C6orf58: variants seen among roughly 807,000 people sequenced by gnomAD.
The protein encoded by C6orf58 is chromosome 6 open reading frame 58.
Under a neutral mutation model 37.0 loss-of-function variants are expected in C6orf58, and 30 were observed. The ratio of observed to expected loss-of-function variants is 0.81; its 90% CI spans 0.61 to 1.10. The LOEUF (loss-of-function observed/expected upper bound fraction) is 1.10, where lower values mean the gene tolerates loss of function less well. Among genes scored for constraint, C6orf58 ranks in the 50% least tolerant of loss-of-function variants. C6orf58 has a pLI of 0.00. For missense variants in C6orf58, 368 were observed against 387.5 expected (o/e 0.95, Z 0.42); for synonymous variants, 143 against 134.1 (o/e 1.07, Z -0.46).
At chr6:127,580,498 T>C (rs1394886161) in intron 3 of C6orf58, 49 bp downstream of exon 3, 18 of 1,457,614 alleles carry the variant, frequency 1.2e-5, no homozygotes, top group Non-Finnish European at 1.6e-5. Flanking sequence ...TATTTTGTCA[T>C]ATAATTTCGT....
intron 4 of C6orf58, among the ~76,000 whole-genome samples, chr6:127,587,545 G>T (rs1775119569): frequency 6.6e-6 from 1 of 152,100 alleles, no homozygotes; most frequent in African/African-American, 2.4e-5. Flanking sequence ...ACCTGTTTAT[G>T]AGGTCTCTGC....
In C6orf58 at chr6:127,590,332, A is replaced by C. The variant is rs1487642589; in HGVS notation, c.913+7A>C. ...AATGTGGATAAATCTATAGGTAAGA[A>C]CCTTAAAAGGATACTTTTAAAAATC... On this transcript the variant is annotated splice_region_variant and intron_variant, in intron 5 of 5. Transcript: ENST00000329722. The C allele has an allele frequency of 3.3e-6, 5 of 1,517,452 alleles. No individual in the cohort carries two copies. In the East Asian group the frequency reaches 1.1e-4, roughly 34 times the overall value. The allele number at this position is 1,517,452 out of a possible 1,614,324, so 94.0% of individuals were successfully genotyped here. A position where few individuals can be genotyped will look rare whatever the true frequency, so the allele number is the denominator to read the frequency against.
chr6:127,586,269 C>T (rs2114297777), intron 4 of C6orf58, among the ~76,000 whole-genome samples: 1 of 152,118 alleles, frequency 6.6e-6, no homozygotes, highest in Non-Finnish European at 1.5e-5. Flanking sequence ...GGCACACTGA[C>T]AGGAAAAGTC....
At chr6:127,580,056 T>G (rs1333445410) in intron 2 of C6orf58, among the ~76,000 whole-genome samples, 1 of 152,112 alleles carries the variant, frequency 6.6e-6, no homozygotes, top group Non-Finnish European at 1.5e-5. Context: ...ATGTTATATA[T>G]TTATGACTAT....
intron 4 of C6orf58, among the ~76,000 whole-genome samples, chr6:127,588,354 A>G (rs1288729201): frequency 6.6e-6 from 1 of 152,236 alleles, no homozygotes; most frequent in Non-Finnish European, 1.5e-5. Context: ...TGGTAATGAA[A>G]GTTACATAGC....
chr6:127,578,689 G>A lies in C6orf58; in HGVS notation c.305G>A (p.Arg102Lys), dbSNP rs1303343348. The A allele has an allele frequency of 6.2e-7, 1 of 1,611,672 alleles. No homozygotes were observed. The highest frequency in any genetic ancestry group is 8.5e-7 in the Non-Finnish European group (1 of 1,178,120). The change falls in exon 2 of 6, where the codon AGA (arginine) becomes AAA (lysine). Residue 102 changes from arginine to lysine, a missense_variant. Arg to Lys is a conservative substitution (Grantham distance 26, BLOSUM62 2). Transcript: ENST00000329722. ...CTGTGCATCCTCTCTCCTCCAGGCA[G>A]ATTAGCTGATCCAACCCGAAGGACA... ...LQYGWQYRTG[R>K]LADPTRRTNC...
At chr6:127,584,874 C>T (rs1775091615) in intron 4 of C6orf58, among the ~76,000 whole-genome samples, 1 of 151,990 alleles carries the variant, frequency 6.6e-6, no homozygotes, top group Non-Finnish European at 1.5e-5. Context: ...TGACTTGAGT[C>T]AACCTCATGA....
chr6:127,589,708 A>G (rs1402969887), intron 4 of C6orf58, among the ~76,000 whole-genome samples: 2 of 152,194 alleles, frequency 1.3e-5, no homozygotes, highest in Non-Finnish European at 2.9e-5. Context: ...CAGTTTCACA[A>G]AGGATATTTG....
Position 127,591,533 on chromosome 6 carries a change from T to C in C6orf58, c.914-10T>C. ...AGAGTTTACATGTAATCATTTTGTA[T>C]CTTTTACAGGTTATCTTTGTACAGA... On this transcript the variant is annotated splice_polypyrimidine_tract_variant and intron_variant, in intron 5 of 5. Coordinates refer to ENST00000329722, the MANE Select transcript of C6orf58 (RefSeq NM_001010905.3). 6.6e-7 allele frequency: 1 copy of C among 1,515,308 alleles called. No homozygotes were observed. The highest frequency in any genetic ancestry group is 2.5e-5 in the Admixed American group (1 of 40,510). 93.9% of individuals were successfully genotyped at this position (1,515,308 alleles called of 1,614,324 possible).
At chr6:127,584,091 G>A (rs985913753) in intron 4 of C6orf58, among the ~76,000 whole-genome samples, 4 of 152,116 alleles carry the variant, frequency 2.6e-5, no homozygotes, top group African/African-American at 9.7e-5. Context: ...TGCTAGAGAT[G>A]TTTCCAGGAA....
chr6:127,577,268 C>CAG lies in C6orf58; in HGVS notation c.86_87dup (p.Pro30SerfsTer40), dbSNP rs1562158447. On this transcript the variant is annotated frameshift_variant, in exon 1 of 6. Coordinates refer to ENST00000329722, the MANE Select transcript of C6orf58 (RefSeq NM_001010905.3). LOFTEE classifies it high-confidence loss of function. Reference sequence around the variant, plus strand: ...GCAGGGACTTCCAATCTCTCAGAGACAGAGCCCCCTCTGTGGAAGGAGAGT... The same window carrying CAG: ...GCAGGGACTTCCAATCTCTCAGAGACAGAGAGCCCCCTCTGTGGAAGGAGAGT... 5.0e-6 allele frequency: 8 copies of CAG among 1,613,416 alleles called. No individual in the cohort carries two copies. Among genetic ancestry groups the CAG allele is most frequent in the Non-Finnish European group, 6.8e-6 (8 of 1,179,462 alleles).
At position 127,586,272 on chromosome 6, in the gene C6orf58, G is replaced by A. The variant is rs371718696; in HGVS notation, c.675-3815G>A. On this transcript the variant is annotated intron_variant, in intron 4 of 5. Coordinates refer to ENST00000329722, the MANE Select transcript of C6orf58 (RefSeq NM_001010905.3). ...GACTTTCAGTCAGGCACACTGACAG[G>A]AAAAGTCAGGCACACAGACGCTTCG... Among the ~76,000 whole-genome samples the A allele has an allele frequency of 8.3e-4, 126 of 152,340 alleles. 2 individuals carry two copies. The highest frequency in any genetic ancestry group is 2.8e-3 in the African/African-American group (118 of 41,576).
At chr6:127,585,105 A>C (rs756102925) in intron 4 of C6orf58, among the ~76,000 whole-genome samples, 12 of 152,214 alleles carry the variant, frequency 7.9e-5, no homozygotes, top group Non-Finnish European at 1.5e-4. Flanking sequence ...TCTGGAACAT[A>C]TATTAATAAC....
At chr6:127,591,457 A>C (rs1448303050) in intron 5 of C6orf58, 86 bp from the exon 6 acceptor site, 1 of 1,174,192 alleles carries the variant, frequency 8.5e-7, no homozygotes. Context: ...AAAGGAAATG[A>C]AATAAAATTA....
chr6:127,591,517 A>C (rs772939588), intron 5 of C6orf58, 26 bp from the exon 6 acceptor site: 11 of 1,505,590 alleles, frequency 7.3e-6, no homozygotes, highest in Non-Finnish European at 9.7e-6. Flanking sequence ...AAGAGTTTAC[A>C]TGTAATCATT....
At chr6:127,581,509 A>G (rs970293409) in intron 4 of C6orf58, among the ~76,000 whole-genome samples, 2 of 139,806 alleles carry the variant, frequency 1.4e-5, no homozygotes, top group Admixed American at 6.8e-5. Flanking sequence ...CCTTGCATGA[A>G]AAAACAAAAA....
Position 127,580,526 on chromosome 6 carries a change from A to G in C6orf58, c.573+77A>G, listed in dbSNP as rs959638345. On this transcript the variant is annotated intron_variant, in intron 3 of 5. Transcript: ENST00000329722. ...AATTTCGTCTAGGATTTTTTTGTGCATTACATAATATTTTCCTTAGTATGC... is the reference window on the plus strand; with the variant it reads ...AATTTCGTCTAGGATTTTTTTGTGCGTTACATAATATTTTCCTTAGTATGC... The G allele has an allele frequency of 6.7e-6, 7 of 1,048,590 alleles. No individual in the cohort carries two copies. The African/African-American group carries it at 8.0e-5, about 12-fold the overall frequency. The allele number at this position is 1,048,590 out of a possible 1,614,324, so 65.0% of individuals were successfully genotyped here. A position where few individuals can be genotyped will look rare whatever the true frequency, so the allele number is the denominator to read the frequency against.
rs1255817258 is a variant in C6orf58, at chr6:127,590,176, C to T, written c.764C>T (p.Thr255Ile). ...DHLAAVLFPTTLIRSYKFQKG... is the reference protein window; with the variant it reads ...DHLAAVLFPTILIRSYKFQKG... Reference sequence around the variant, plus strand: ...TTAGCTGCAGTCCTCTTTCCTACAACCTTGATTAGATCATATAAGTTCCAG... The same window carrying T: ...TTAGCTGCAGTCCTCTTTCCTACAATCTTGATTAGATCATATAAGTTCCAG... The change falls in exon 5 of 6, where the codon ACC (threonine) becomes ATC (isoleucine). Residue 255 changes from threonine to isoleucine, a missense_variant. Thr to Ile is a moderately conservative substitution (Grantham distance 89). Coordinates refer to ENST00000329722, the MANE Select transcript of C6orf58 (RefSeq NM_001010905.3). The T allele has an allele frequency of 1.2e-6, 2 of 1,613,654 alleles. No individual in the cohort carries two copies. The highest frequency in any genetic ancestry group is 2.7e-5 in the African/African-American group (2 of 74,884).
At chr6:127,579,607 G>A (rs1316964921) in intron 2 of C6orf58, among the ~76,000 whole-genome samples, 1 of 152,034 alleles carries the variant, frequency 6.6e-6, no homozygotes, top group Non-Finnish European at 1.5e-5. Flanking sequence ...ATTTCTAGTG[G>A]AAATCAGTAT....
Sources: gnomAD v4.1 joint callset for allele counts (sites outside exome capture counted in the v4.1 genomes callset) on GRCh38, gnomAD v4.1.1 for gene constraint, MANE v1.5 for transcripts, NCBI Gene and HGNC (gene_info 2026-07-23, HGNC 2026-07-21) for gene names.